ATP2B4: variants seen among roughly 807,000 people sequenced by gnomAD.
The protein encoded by ATP2B4 is ATPase plasma membrane Ca2+ transporting 4.
Under a neutral mutation model 110.3 loss-of-function variants are expected in ATP2B4, and 39 were observed. The ratio of observed to expected loss-of-function variants is 0.35; its 90% CI spans 0.27 to 0.46. The LOEUF (loss-of-function observed/expected upper bound fraction) is 0.46. Among genes scored for constraint, ATP2B4 ranks in the 20% least tolerant of loss-of-function variants. The probability of loss-of-function intolerance (pLI) is 1.00; values close to 1 mark genes in which losing one functional copy is unlikely to be tolerated. For synonymous variants in ATP2B4, 538 were observed against 571.7 expected (o/e 0.94, Z 0.84); for missense variants, 1,135 against 1,530.9 (o/e 0.74, Z 4.32).
intron 20 of ATP2B4, among the ~76,000 whole-genome samples, chr1:203,734,563 G>A (rs913689880): frequency 4.0e-5 from 6 of 151,296 alleles, no homozygotes; most frequent in South Asian, 2.1e-4. Context: ...AAAATTAGCC[G>A]GGCAATATGG....
At chr1:203,705,402 T>C (rs1665821972) in intron 8 of ATP2B4, among the ~76,000 whole-genome samples, 1 of 152,186 alleles carries the variant, frequency 6.6e-6, no homozygotes, top group African/African-American at 2.4e-5. Context: ...TTGTTGTTGT[T>C]GTTTGTTTGT....
At chr1:203,720,834 GAC>G in intron 16 of ATP2B4, 94 bp downstream of exon 16, 1 of 1,390,994 alleles carries the variant, frequency 7.2e-7, no homozygotes. Flanking sequence ...GAAGAGTAAA[GAC>G]AGCGTTTCCC....
Position 203,715,720 on chromosome 1 carries a change from C to T in ATP2B4, c.2406+1443C>T, listed in dbSNP as rs578123276. 1.4e-5 allele frequency among the ~76,000 whole-genome samples: 2 copies of T among 144,626 alleles called. 1 individual carries two copies. The highest frequency in any genetic ancestry group is 4.1e-4 in the East Asian group (2 of 4,832). 94.9% of individuals were successfully genotyped at this position (144,626 alleles called of 152,430 possible). ...ATGCTTCCTTACTATCATGAAATTT[C>T]TAGTTTGTTCACATTTTCCTAACTG... On this transcript the variant is annotated intron_variant, in intron 15 of 20. Coordinates refer to ENST00000357681, the MANE Select transcript of ATP2B4 (RefSeq NM_001684.5).
rs1667034794 is a variant in ATP2B4 at position 203,743,575 on chromosome 1, G to A, written c.*3721G>A. The A allele has an allele frequency of 6.6e-6, 1 of 152,604 alleles. No homozygotes were observed. The highest frequency in any genetic ancestry group is 2.4e-5 in the African/African-American group (1 of 41,436). 9.5% of individuals were successfully genotyped at this position (152,604 alleles called of 1,614,324 possible). ...CTCCCCATATGTATATATGCCATATGTGAATATGCCATATATATGTGCCAA... is the reference window on the plus strand; with the variant it reads ...CTCCCCATATGTATATATGCCATATATGAATATGCCATATATATGTGCCAA... On this transcript the variant is annotated 3_prime_UTR_variant, in exon 21 of 21. Transcript: ENST00000357681.
chr1:203,644,922 A>G (rs755224385), intron 1 of ATP2B4, among the ~76,000 whole-genome samples: 4 of 152,094 alleles, frequency 2.6e-5, no homozygotes, highest in African/African-American at 7.2e-5. Flanking sequence ...TGTGGCCACT[A>G]TGCCAAGGTG....
rs1663988911 is a variant in ATP2B4, at chr1:203,651,378, A to C, written c.-465+24159A>C. Among the ~76,000 whole-genome samples, 6 of 151,958 alleles carry C rather than the reference A, an allele frequency of 3.9e-5. No individual in the cohort carries two copies. In the South Asian group the frequency reaches 1.0e-3, roughly 26 times the overall value. ...TTACTGCTTATTTATATATGCTATT[A>C]ATGTTTTTTATTAACCTAATGAACA... On this transcript the variant is annotated intron_variant, in intron 1 of 20. Coordinates refer to ENST00000357681, the MANE Select transcript of ATP2B4 (RefSeq NM_001684.5).
intron 1 of ATP2B4, among the ~76,000 whole-genome samples, chr1:203,643,372 C>T (rs541272647): frequency 6.6e-6 from 1 of 152,308 alleles, no homozygotes; most frequent in East Asian, 1.9e-4. Context: ...TTTGTAGAAG[C>T]TGTAGCCCAA....
Position 203,700,803 on chromosome 1 carries a change from C to A in ATP2B4, c.781C>A (p.His261Asn), listed in dbSNP as rs1665668571. The part of the protein sequence containing the change: ...DKDPMLLSGT[H>N]VMEGSGRMVV... ...TCTTCTCCTTTCCCGTGTAGGGACC[C>A]ATGTCATGGAAGGTTCTGGCCGGAT... The change falls in exon 6 of 21, where the codon CAT becomes AAT. Residue 261 changes from histidine (H) to asparagine (N), a missense_variant. This residue lies in a region of ATP2B4 where 162 missense variants were observed against 210.5 expected (regional missense o/e 0.77). Coordinates refer to ENST00000357681, the MANE Select transcript of ATP2B4 (RefSeq NM_001684.5). 1 of 1,612,866 alleles carries A rather than the reference C, an allele frequency of 6.2e-7. No homozygotes were observed. Among genetic ancestry groups the A allele is most frequent in the Non-Finnish European group, 8.5e-7 (1 of 1,179,434 alleles).
At chr1:203,712,330 C>T (rs1012782571) in intron 13 of ATP2B4, among the ~76,000 whole-genome samples, 191 bp downstream of exon 13, 1 of 152,184 alleles carries the variant, frequency 6.6e-6, no homozygotes, top group Admixed American at 6.5e-5. Flanking sequence ...CGGTAGCTTA[C>T]TCCTGTAATT....
In ATP2B4 at chr1:203,707,155, G is replaced by T. The variant is rs1004794613; in HGVS notation, c.1246G>T (p.Val416Leu). 1 of 1,614,054 alleles carries T rather than the reference G, an allele frequency of 6.2e-7. No individual in the cohort carries two copies. The highest frequency in any genetic ancestry group is 8.5e-7 in the Non-Finnish European group (1 of 1,180,048). Residue 416 changes from valine (V) to leucine (L), a missense_variant, in exon 9 of 21, where the codon GTA (valine) becomes TTA (leucine). Physicochemically the swap from Val to Leu is conservative, Grantham distance 32. This residue lies in a region of ATP2B4 where 162 missense variants were observed against 210.5 expected (regional missense o/e 0.77). Transcript: ENST00000357681. The stretch of plus-strand genomic sequence containing the variant: ...CAAGTTCTTCATCATCGGCATCACT[G>T]TACTGGTGGTGGCTGTGCCAGAGGG... The part of the protein sequence containing the change: ...FVKFFIIGIT[V>L]LVVAVPEGLP...
At chr1:203,660,422 G>A (rs755110171) in intron 1 of ATP2B4, among the ~76,000 whole-genome samples, 10 of 152,180 alleles carry the variant, frequency 6.6e-5, no homozygotes, top group African/African-American at 1.9e-4. Flanking sequence ...CACTTGGGGT[G>A]GTGGAGATAA....
rs772465662 is a variant in ATP2B4 at position 203,711,132 on chromosome 1, G to T, written c.2031+24G>T. On this transcript the variant is annotated intron_variant, in intron 12 of 20. Transcript: ENST00000357681. ...AGGTGAGAGGGTGGGAAGCCACCCAGGAGTCTCAGGAAGTGGGGTACTAGT... is the reference window on the plus strand; with the variant it reads ...AGGTGAGAGGGTGGGAAGCCACCCATGAGTCTCAGGAAGTGGGGTACTAGT... The T allele has an allele frequency of 1.2e-5, 19 of 1,604,988 alleles. No homozygotes were observed. In the Admixed American group the frequency reaches 3.2e-4, roughly 27 times the overall value.
At chr1:203,652,140 T>A (rs1664016493) in intron 1 of ATP2B4, among the ~76,000 whole-genome samples, 1 of 74,422 alleles carries the variant, frequency 1.3e-5, no homozygotes, top group African/African-American at 4.5e-5. Flanking sequence ...TAAAGCAACT[T>A]CTTCTTTTTT....
At chr1:203,673,144 C>T (rs1463294739) in intron 1 of ATP2B4, among the ~76,000 whole-genome samples, 1 of 152,184 alleles carries the variant, frequency 6.6e-6, no homozygotes, top group Non-Finnish European at 1.5e-5. Context: ...GCAACATTTT[C>T]AAAGTGTGGT....
intron 15 of ATP2B4, among the ~76,000 whole-genome samples, chr1:203,714,595 C>T (rs553673890): frequency 6.6e-6 from 1 of 152,292 alleles, no homozygotes; most frequent in African/African-American, 2.4e-5. Flanking sequence ...ATGGTAGGCG[C>T]TCTGTGTGGC....
chr1:203,677,709 C>A (rs1205068367), intron 1 of ATP2B4, among the ~76,000 whole-genome samples: 2 of 152,186 alleles, frequency 1.3e-5, no homozygotes, highest in Non-Finnish European at 2.9e-5. Flanking sequence ...GGTGATCCGC[C>A]CACCTCGGCC....
Position 203,645,706 on chromosome 1 carries a change from T to C in ATP2B4, c.-465+18487T>C, listed in dbSNP as rs545626707. On this transcript the variant is annotated intron_variant, in intron 1 of 20. Coordinates refer to ENST00000357681, the MANE Select transcript of ATP2B4 (RefSeq NM_001684.5). ...CCTGGGTTCAAGCGATTCTCCTGCCTCAGCCTCCCAAGTAGCTGGAATTAC... is the reference window on the plus strand; with the variant it reads ...CCTGGGTTCAAGCGATTCTCCTGCCCCAGCCTCCCAAGTAGCTGGAATTAC... Among the ~76,000 whole-genome samples the C allele has an allele frequency of 2.0e-5, 3 of 151,358 alleles. No individual in the cohort carries two copies. In the South Asian group the frequency reaches 6.3e-4, roughly 32 times the overall value.
intron 20 of ATP2B4, 186 bp downstream of exon 20, chr1:203,727,757 G>A: frequency 1.5e-6 from 1 of 672,654 alleles, no homozygotes; most frequent in East Asian, 2.8e-5. Context: ...TCCTCTGAGA[G>A]GAGAGGAGTC....
intron 1 of ATP2B4, chr1:203,656,906 A>G: frequency 1.7e-6 from 1 of 581,780 alleles, no homozygotes. Context: ...TAGAAACATT[A>G]CAGTAATGGC....
Sources: allele counts gnomAD v4.1 joint callset (sites outside exome capture counted in the v4.1 genomes callset), GRCh38; gene constraint gnomAD v4.1.1; regional missense constraint gnomAD v4.1.1; transcripts MANE v1.5; gene names NCBI Gene and HGNC (gene_info 2026-07-23, HGNC 2026-07-21).